TIAM1: variants seen among roughly 807,000 people sequenced by gnomAD.
TIAM1 encodes the protein rho guanine nucleotide exchange factor TIAM1.
In TIAM1, 65 loss-of-function variants were observed where a neutral mutation model predicts 163.5. The observed-to-expected ratio is 0.40, with a 90% CI of 0.33 to 0.49. The LOEUF (loss-of-function observed/expected upper bound fraction) is 0.49, where lower values mean the gene tolerates loss of function less well. Among genes scored for constraint, TIAM1 ranks in the 20% least tolerant of loss-of-function variants. The pLI is 0.77. For synonymous variants in TIAM1, 833 were observed against 810.1 expected (o/e 1.03, Z -0.48); for missense variants, 1,789 against 2,044.7 (o/e 0.87, Z 2.41).
At chr21:31,502,356 C>T (rs2284541) in intron 1 of TIAM1, among the ~76,000 whole-genome samples, 10 of 152,152 alleles carry the variant, frequency 6.6e-5, no homozygotes, top group African/African-American at 2.4e-4. Context: ...ACGGCAGCCT[C>T]GAACTCCTGG....
intron 2 of TIAM1, among the ~76,000 whole-genome samples, chr21:31,376,505 C>T (rs893575338): frequency 2.0e-5 from 3 of 152,148 alleles, no homozygotes; most frequent in Non-Finnish European, 2.9e-5. Flanking sequence ...GGCACAGATG[C>T]GTGTTTGGCA....
intron 1 of TIAM1, among the ~76,000 whole-genome samples, chr21:31,529,121 G>A (rs551491562): frequency 2.7e-4 from 41 of 151,664 alleles, no homozygotes; most frequent in East Asian, 1.0e-3. Flanking sequence ...GGGTTTCACC[G>A]TGTTAGCCAG....
Position 31,549,550 on chromosome 21 carries a change from A to G in TIAM1, c.-422+9377T>C, listed in dbSNP as rs1237952221. On this transcript the variant is annotated intron_variant, in intron 1 of 28. Transcript: ENST00000286827. ...AAATATACGATTAGCCTACAAGCAC[A>G]TGAAACGATGTTCTGTTCAATGACA... 2.6e-5 allele frequency among the ~76,000 whole-genome samples: 4 copies of G among 152,268 alleles called. No homozygotes were observed. In the East Asian group the frequency reaches 7.7e-4, roughly 29 times the overall value.
chr21:31,206,868 GACAT>G (rs879267319), intron 11 of TIAM1, among the ~76,000 whole-genome samples: 1 of 151,574 alleles, frequency 6.6e-6, no homozygotes, highest in Non-Finnish European at 1.5e-5. Flanking sequence ...ACTTCTAGAA[GACAT>G]ACAAACATGC....
chr21:31,299,460 A>T (rs1297673320), intron 2 of TIAM1, among the ~76,000 whole-genome samples: 2 of 152,222 alleles, frequency 1.3e-5, no homozygotes, highest in Non-Finnish European at 2.9e-5. Context: ...ACGTATGTTC[A>T]ATTTATAATG....
intron 2 of TIAM1, among the ~76,000 whole-genome samples, chr21:31,293,072 T>C (rs2284497): frequency 0.14 from 21,055 of 151,882 alleles, 1,907 homozygotes; most frequent in East Asian, 0.44. Context: ...GATTTGCCCT[T>C]CTGGGCCTCC....
At chr21:31,199,910 T>TA (rs113858336) in intron 12 of TIAM1, among the ~76,000 whole-genome samples, 9,492 of 130,800 alleles carry the variant, frequency 0.073, 402 homozygotes, top group Non-Finnish European at 0.1. Flanking sequence ...AACATCACAT[T>TA]AAAAAAAAAA....
chr21:31,394,738 A>T (rs994378648), intron 2 of TIAM1, among the ~76,000 whole-genome samples: 5,750 of 112,186 alleles, frequency 0.051, 196 homozygotes, highest in African/African-American at 0.13. Flanking sequence ...TCACACACAC[A>T]CACACACACA....
intron 1 of TIAM1, among the ~76,000 whole-genome samples, chr21:31,479,980 G>C (rs2046061227): frequency 6.6e-6 from 1 of 152,152 alleles, no homozygotes; most frequent in Non-Finnish European, 1.5e-5. Context: ...ACTATACAGT[G>C]CGGCCATTGT....
rs73356901 is a variant in TIAM1 at position 31,395,736 on chromosome 21, T to C, written c.-368-56314A>G. 0.031 allele frequency among the ~76,000 whole-genome samples: 4,681 copies of C among 152,052 alleles called. 231 individuals are homozygous for C. The highest frequency in any genetic ancestry group is 0.1 in the African/African-American group (4,295 of 41,478). On this transcript the variant is annotated intron_variant, in intron 2 of 28. Coordinates refer to the TIAM1 transcript ENST00000286827. The surrounding 1 kb of genome is among the most constrained non-coding windows in gnomAD (Gnocchi z 7.5). ...CGTTCCCCTGGCTGTCGCGTGAAAA[T>C]TTTTGCTTTATAAATTGGGGAGGTT...
At chr21:31,121,509 G>A (rs1262540767) in intron 27 of TIAM1, among the ~76,000 whole-genome samples, 2 of 152,090 alleles carry the variant, frequency 1.3e-5, no homozygotes, top group African/African-American at 2.4e-5. Flanking sequence ...CAAAGACATG[G>A]GATCTTCAGT....
intron 2 of TIAM1, among the ~76,000 whole-genome samples, chr21:31,414,635 AG>A (rs2043311563): frequency 6.6e-6 from 1 of 152,176 alleles, no homozygotes; most frequent in Non-Finnish European, 1.5e-5. Context: ...TGTCTACGTC[AG>A]GAAGTGACAT....
chr21:31,483,243 CA>C (rs1335422718), intron 1 of TIAM1, among the ~76,000 whole-genome samples: 1 of 152,186 alleles, frequency 6.6e-6, no homozygotes, highest in Non-Finnish European at 1.5e-5. Flanking sequence ...TGGGATCAAG[CA>C]CCCTCCCACT....
intron 2 of TIAM1, among the ~76,000 whole-genome samples, chr21:31,451,718 C>CGTGT (rs59110882): frequency 0.078 from 11,106 of 141,848 alleles, 492 homozygotes; most frequent in Middle Eastern, 0.1. Context: ...CATGTGTGTG[C>CGTGT]GTGTGTGTGT....
chr21:31,420,158 G>C (rs1237593090), intron 2 of TIAM1, among the ~76,000 whole-genome samples: 1 of 152,216 alleles, frequency 6.6e-6, no homozygotes, highest in African/African-American at 2.4e-5. Flanking sequence ...GAGAACCTGA[G>C]CTACCTGAGA....
chr21:31,490,769 G>A (rs1569379492), intron 1 of TIAM1, among the ~76,000 whole-genome samples: 1 of 152,238 alleles, frequency 6.6e-6, no homozygotes, highest in Admixed American at 6.5e-5. Context: ...CTTCATTCAA[G>A]TGTTGTTGCA....
intron 2 of TIAM1, among the ~76,000 whole-genome samples, chr21:31,403,449 T>G (rs996433123): frequency 6.6e-6 from 1 of 152,182 alleles, no homozygotes; most frequent in Non-Finnish European, 1.5e-5. Context: ...TCCCGGCCGA[T>G]GACATACTTT....
chr21:31,343,482 A>G (rs1012040584), intron 1 of TIAM1, among the ~76,000 whole-genome samples: 2 of 152,124 alleles, frequency 1.3e-5, no homozygotes, highest in African/African-American at 4.8e-5. Flanking sequence ...ACAGAAAGAC[A>G]GACATTTAAA....
chr21:31,149,325 G>C (rs1346376448), intron 19 of TIAM1, among the ~76,000 whole-genome samples: 1 of 152,064 alleles, frequency 6.6e-6, no homozygotes, highest in South Asian at 2.1e-4. Flanking sequence ...TATATTTACT[G>C]GTTGAGCATC....
Sources: allele counts gnomAD v4.1 joint callset (sites outside exome capture counted in the v4.1 genomes callset), GRCh38; gene constraint gnomAD v4.1.1; non-coding constraint Gnocchi (gnomAD v3.1); transcripts MANE v1.5; gene names NCBI Gene and HGNC (gene_info 2026-07-23, HGNC 2026-07-21).